BCAR1: variants seen among roughly 807,000 people sequenced by gnomAD.
The protein encoded by BCAR1 is BCAR1 scaffold protein, Cas family member, also known as breast cancer anti-estrogen resistance protein 1.
In BCAR1, 30 loss-of-function variants were observed where a neutral mutation model predicts 67.6. The ratio of observed to expected loss-of-function variants is 0.44; its 90% CI spans 0.33 to 0.60. The LOEUF (loss-of-function observed/expected upper bound fraction) is 0.60. BCAR1 is among the 20% of genes least tolerant of loss of function. BCAR1 has a pLI of 0.02. For synonymous variants in BCAR1, 626 were observed against 556.7 expected, an observed-to-expected ratio of 1.12 and a Z score of -1.75; for missense variants, 1,313 against 1,222.3, an observed-to-expected ratio of 1.07 and a Z score of -1.11.
intron 4 of BCAR1, 169 bp from the exon 5 acceptor site, chr16:75,236,155 G>C: frequency 1.3e-6 from 1 of 776,480 alleles, no homozygotes; most frequent in Non-Finnish European, 2.0e-6. Context: ...CACGCACACA[G>C]GCACACACAC....
intron 1 of BCAR1, among the ~76,000 whole-genome samples, chr16:75,261,077 C>A (rs957064347): frequency 6.6e-6 from 1 of 152,226 alleles, no homozygotes; most frequent in African/African-American, 2.4e-5. Flanking sequence ...AGAGCCGCGA[C>A]TTGTGACCAT....
At chr16:75,244,412 G>A (rs537446356) in intron 1 of BCAR1, among the ~76,000 whole-genome samples, 1 of 152,360 alleles carries the variant, frequency 6.6e-6, no homozygotes, top group African/African-American at 2.4e-5. Flanking sequence ...AGGAGTGGGG[G>A]TGAGGCCTCT....
intron 1 of BCAR1, among the ~76,000 whole-genome samples, chr16:75,257,569 C>T (rs1356802670): frequency 6.6e-6 from 1 of 152,236 alleles, no homozygotes; most frequent in Middle Eastern, 3.2e-3. Context: ...ATCCTCCCAC[C>T]TCAGCCTCTT....
At chr16:75,236,574 T>C (rs2077143247) in intron 4 of BCAR1, 1 of 458,144 alleles carries the variant, frequency 2.2e-6, no homozygotes, top group Admixed American at 3.9e-5. Flanking sequence ...CCCCACATAA[T>C]TACTAGTCCC....
At chr16:75,251,671 C>G (rs1157903648), upstream of BCAR1, 1 of 995,830 alleles carries the variant, frequency 1.0e-6, no homozygotes, top group Non-Finnish European at 1.2e-6. Flanking sequence ...CAGCCCGATC[C>G]CAGCATGCCC....
intron 2 of BCAR1, chr16:75,238,672 T>C: frequency 1.0e-6 from 1 of 985,984 alleles, no homozygotes; most frequent in Non-Finnish European, 1.2e-6. Flanking sequence ...GGGGCCTCCG[T>C]GGGGTGTCCC....
At chr16:75,256,023 C>CGGAACCTTTGT (rs1298566264), upstream of BCAR1, 2 of 152,414 alleles carry the variant, frequency 1.3e-5, no homozygotes, top group Non-Finnish European at 2.9e-5. Context: ...GGCGAGGGCA[C>CGGAACCTTTGT]GGAACCTTTG....
At position 75,263,532 on chromosome 16, in the gene BCAR1, T is replaced by C. The variant is rs2077948474; in HGVS notation, c.66+4383A>G. 5 of 985,374 alleles carry C rather than the reference T, an allele frequency of 5.1e-6. No individual in the cohort carries two copies. The South Asian group carries it at 1.9e-4, about 37-fold the overall frequency. The allele number at this position is 985,374 out of a possible 1,614,324, so 61.0% of individuals were successfully genotyped here. On this transcript the variant is annotated intron_variant, in intron 1 of 6. Transcript: ENST00000393422. ...TCCTTCCCCTCTCTGGGTCCGGGAC[T>C]GCATGTGAGTCAAATGACAAGGTGA...
chr16:75,266,810 C>A, intron 1 of BCAR1: 1 of 1,385,666 alleles, frequency 7.2e-7, no homozygotes. Context: ...GTCCAGAGCA[C>A]TGTCCCGGAG....
chr16:75,236,619 C>T, intron 4 of BCAR1: 1 of 546,068 alleles, frequency 1.8e-6, no homozygotes, highest in South Asian at 4.4e-5. Context: ...GGTGAGATGA[C>T]ACATCCCGTG....
In BCAR1 at chr16:75,260,689, G is replaced by A. The variant is rs189792301; in HGVS notation, c.66+7226C>T. Among the ~76,000 whole-genome samples the A allele has an allele frequency of 8.7e-5, 13 of 149,160 alleles. No homozygotes were observed. In the East Asian group the frequency reaches 2.3e-3, roughly 27 times the overall value. On this transcript the variant is annotated intron_variant, in intron 1 of 6. Coordinates refer to the BCAR1 transcript ENST00000393422. ...ACTGTTTAACATCTGCACATTTCAC[G>A]ACATGTAAAATTTACCTCAATAAGA...
chr16:75,256,829 G>A (rs2077787636), intron 1 of BCAR1, among the ~76,000 whole-genome samples: 1 of 152,108 alleles, frequency 6.6e-6, no homozygotes, highest in Admixed American at 6.5e-5. Context: ...CTCCTGCCCA[G>A]CCTCCTGGGG....
At chr16:75,264,640 G>A (rs1365667374) in intron 1 of BCAR1, 13 of 1,262,390 alleles carry the variant, frequency 1.0e-5, no homozygotes, top group Admixed American at 3.8e-5. Flanking sequence ...GAGCAGGAGC[G>A]GGCTCTTTAA....
chr16:75,241,413 G>A (rs980250391), intron 2 of BCAR1, among the ~76,000 whole-genome samples: 2 of 152,114 alleles, frequency 1.3e-5, no homozygotes, highest in African/African-American at 4.8e-5. Context: ...TACCTGGACT[G>A]TGGCCTGAGG....
chr16:75,264,578 G>T, intron 1 of BCAR1: 1 of 1,309,276 alleles, frequency 7.6e-7, no homozygotes, highest in South Asian at 2.6e-5. Flanking sequence ...CATCAGCACA[G>T]TCTGGAAGCC....
chr16:75,250,800 C>T, intron 1 of BCAR1: 2 of 985,554 alleles, frequency 2.0e-6, no homozygotes, highest in Non-Finnish European at 2.4e-6. Context: ...GGCCCCCTCC[C>T]GCGACACTCG....
chr16:75,236,173 C>G (rs1448235078), intron 4 of BCAR1, 187 bp from the exon 5 acceptor site: 1 of 683,094 alleles, frequency 1.5e-6, no homozygotes, highest in African/African-American at 1.8e-5. Flanking sequence ...CACGCGCACA[C>G]ACACTCGCAG....
At chr16:75,251,237 G>T (rs973998118) in intron 1 of BCAR1, among the ~76,000 whole-genome samples, 2 of 151,856 alleles carry the variant, frequency 1.3e-5, no homozygotes, top group African/African-American at 4.8e-5. Flanking sequence ...CTACCGGCTG[G>T]CGGCCCCCGC....
chr16:75,264,038 G>T, intron 1 of BCAR1: 1 of 1,226,464 alleles, frequency 8.2e-7, no homozygotes, highest in Non-Finnish European at 1.0e-6. Flanking sequence ...GTGACTACAA[G>T]GGAGAGGGTA....
Sources: allele counts gnomAD v4.1 joint callset (sites outside exome capture counted in the v4.1 genomes callset), GRCh38; gene constraint gnomAD v4.1.1; transcripts MANE v1.5; gene names NCBI Gene and HGNC (gene_info 2026-07-23, HGNC 2026-07-21).